Variants in OSMR observed in about 807,000 individuals in gnomAD.
The protein encoded by OSMR is oncostatin-M-specific receptor subunit beta.
Under a neutral mutation model 99.9 loss-of-function variants are expected in OSMR, and 81 were observed. That is an observed-to-expected ratio of 0.81 (90% CI 0.68 to 0.97). The LOEUF is 0.97. Among genes scored for constraint, OSMR ranks in the 50% least tolerant of loss-of-function variants. The pLI, the probability that OSMR is intolerant of heterozygous loss-of-function variation, is 0.00. For missense variants in OSMR, 1,099 were observed against 1,153.4 expected, an observed-to-expected ratio of 0.95 and a Z score of 0.68; for synonymous variants, 406 against 410.4, an observed-to-expected ratio of 0.99 and a Z score of 0.13.
intron 3 of OSMR, among the ~76,000 whole-genome samples, chr5:38,878,382 G>A (rs750024009): frequency 5.3e-5 from 8 of 152,088 alleles, no homozygotes; most frequent in Non-Finnish European, 7.4e-5. Flanking sequence ...TCAATGTCTC[G>A]GACACCTCTG....
At chr5:38,873,974 AC>A (rs1288808031) in intron 2 of OSMR, among the ~76,000 whole-genome samples, 1 of 152,032 alleles carries the variant, frequency 6.6e-6, no homozygotes, top group Non-Finnish European at 1.5e-5. Context: ...CTGAGACTAC[AC>A]GTGCCATGAC....
chr5:38,937,409 C>T (rs893790691), downstream of OSMR, among the ~76,000 whole-genome samples: 1 of 152,214 alleles, frequency 6.6e-6, no homozygotes, highest in Non-Finnish European at 1.5e-5. The surrounding 1 kb of genome is among the most constrained non-coding windows in gnomAD (Gnocchi z 4.0). Context: ...ATTTGCCAAA[C>T]TGTCCAAAAC....
chr5:38,910,754 T>C (rs1383262371), intron 9 of OSMR, among the ~76,000 whole-genome samples: 1 of 152,214 alleles, frequency 6.6e-6, no homozygotes, highest in Non-Finnish European at 1.5e-5. Context: ...CTCACACCTG[T>C]AATCCCAGCA....
intron 9 of OSMR, among the ~76,000 whole-genome samples, chr5:38,910,818 G>A (rs1024004567): frequency 6.6e-6 from 1 of 152,110 alleles, no homozygotes; most frequent in African/African-American, 2.4e-5. Flanking sequence ...AGACCAGCTT[G>A]GCCAATATGG....
In OSMR at chr5:38,933,397, A is replaced by T; in HGVS notation, c.2893A>T (p.Ser965Cys). 1 of 1,614,014 alleles carries T rather than the reference A, an allele frequency of 6.2e-7. No homozygotes were observed. Among genetic ancestry groups the T allele is most frequent in the Non-Finnish European group, 8.5e-7 (1 of 1,179,898 alleles). ...LALPPPTENS[S>C]LSSITLLDPG... ...CTTGCCTCCCCCGACCGAGAATAGC[A>T]GCCTCTCCTCAATTACCCTTTTAGA... Residue 965 changes from serine (S) to cysteine (C), a missense_variant, in exon 18 of 18, where the codon AGC becomes TGC. Coordinates refer to ENST00000274276, the MANE Select transcript of OSMR (RefSeq NM_003999.3).
In OSMR at chr5:38,905,459, G is replaced by A. The variant is rs532111344; in HGVS notation, c.1285+956G>A. On this transcript the variant is annotated intron_variant, in intron 9 of 17. Coordinates refer to ENST00000274276, the MANE Select transcript of OSMR (RefSeq NM_003999.3). The stretch of plus-strand genomic sequence containing the variant: ...GCTGAGATCGTGCCACTGCACTCCA[G>A]CCTGGGCAACAGAGTGAGACTCCAT... Among the ~76,000 whole-genome samples the A allele has an allele frequency of 5.3e-5, 8 of 150,316 alleles. No individual in the cohort carries two copies. In the South Asian group the frequency reaches 1.7e-3, roughly 32 times the overall value.
chr5:38,860,878 G>A (rs971693016), intron 1 of OSMR, among the ~76,000 whole-genome samples: 2 of 152,052 alleles, frequency 1.3e-5, no homozygotes. Context: ...TCACCATGTT[G>A]GCCAGGCTAG....
chr5:38,868,594 C>G (rs938837829), intron 1 of OSMR, among the ~76,000 whole-genome samples: 2 of 152,188 alleles, frequency 1.3e-5, no homozygotes, highest in East Asian at 1.9e-4. Flanking sequence ...GTAAGAAGTA[C>G]TTTTCACCTC....
At chr5:38,936,046 C>T (rs192114334), downstream of OSMR, among the ~76,000 whole-genome samples, 1 of 152,240 alleles carries the variant, frequency 6.6e-6, no homozygotes, top group African/African-American at 2.4e-5. Context: ...CTTAACATGG[C>T]TTTAGGAAGT....
rs1343775838 is a variant in OSMR at position 38,919,022 on chromosome 5, T to C, written c.1545T>C (p.Ser515=). 1 of 1,614,106 alleles carries C rather than the reference T, an allele frequency of 6.2e-7. No individual in the cohort carries two copies. The highest frequency in any genetic ancestry group is 8.5e-7 in the Non-Finnish European group (1 of 1,179,940). The change falls in exon 11 of 18, where the codon TCT becomes TCC. Residue 515 remains serine (S), a synonymous_variant. Transcript: ENST00000274276. ...CVIANNSVGA[S]PASVIVISAD... ...TAGCCAACAACAGTGTGGGTGCTTC[T>C]CCTGCTTCTGTAATAGTCATCTCTG...
intron 9 of OSMR, 123 bp downstream of exon 9, chr5:38,904,626 A>G (rs555188162): frequency 8.4e-7 from 1 of 1,186,206 alleles, no homozygotes; most frequent in Non-Finnish European, 1.2e-6. Flanking sequence ...GCGGGGTAGC[A>G]TTTAAAAAAT....
chr5:38,917,812 A>G (rs1250987649), intron 10 of OSMR, among the ~76,000 whole-genome samples, 190 bp downstream of exon 10: 1 of 152,186 alleles, frequency 6.6e-6, no homozygotes, highest in African/African-American at 2.4e-5. Flanking sequence ...GATGCAACTG[A>G]CAGCCAGTTC....
intron 9 of OSMR, among the ~76,000 whole-genome samples, chr5:38,914,295 GTC>G (rs2112606440): frequency 6.6e-6 from 1 of 152,258 alleles, no homozygotes; most frequent in Admixed American, 6.5e-5. Flanking sequence ...TCTCTTGAGC[GTC>G]TCTGTGCATC....
chr5:38,911,426 G>A (rs565153626), intron 9 of OSMR, among the ~76,000 whole-genome samples: 5 of 152,218 alleles, frequency 3.3e-5, no homozygotes, highest in African/African-American at 1.2e-4. Context: ...GTAACAAAAA[G>A]CCTAGGAACC....
Position 38,881,708 on chromosome 5 carries a change from C to T in OSMR, c.362C>T (p.Ala121Val). The T allele has an allele frequency of 6.2e-7, 1 of 1,614,156 alleles. No individual in the cohort carries two copies. Among genetic ancestry groups the T allele is most frequent in the Non-Finnish European group, 8.5e-7 (1 of 1,180,030 alleles). ...FVRIKSLVDD[A>V]KFPEPNFWSN... is the part of the protein sequence containing the mutation. The stretch of plus-strand genomic sequence containing the variant: ...AGAATAAAGAGTTTGGTGGACGATG[C>T]CAAGTTCCCTGAGCCAAATTTCTGG... Residue 121 changes from alanine (A) to valine (V), a missense_variant, in exon 4 of 18, where the codon GCC becomes GTC. By Grantham distance (64) the Ala-to-Val change is moderately conservative (BLOSUM62 0). Transcript: ENST00000274276.
chr5:38,938,075 C>T (rs926318546), downstream of OSMR: 2 of 205,154 alleles, frequency 9.7e-6, no homozygotes, highest in African/African-American at 4.6e-5. Context: ...CATTTGGGGA[C>T]AAATCTTATT....
chr5:38,921,934 G>C, intron 12 of OSMR, 140 bp downstream of exon 12: 4 of 710,192 alleles, frequency 5.6e-6, no homozygotes, highest in South Asian at 3.4e-5. Context: ...GGTGTTAGGA[G>C]TTCAGATGTT....
At position 38,928,354 on chromosome 5, in the gene OSMR, A is replaced by G. The variant is rs149263941; in HGVS notation, c.2212+2983A>G. 3.9e-5 allele frequency among the ~76,000 whole-genome samples: 6 copies of G among 152,296 alleles called. No homozygotes were observed. The East Asian group carries it at 1.2e-3, about 29-fold the overall frequency. Reference sequence around the variant, plus strand: ...CTGTATCAGCCCATTCTCCACTGCTATAAAGAACTGCCCGATACTGGGTAA... The same window carrying G: ...CTGTATCAGCCCATTCTCCACTGCTGTAAAGAACTGCCCGATACTGGGTAA... On this transcript the variant is annotated intron_variant, in intron 15 of 17. Transcript: ENST00000274276.
At chr5:38,854,491 T>C (rs1740696438) in intron 1 of OSMR, among the ~76,000 whole-genome samples, 1 of 152,194 alleles carries the variant, frequency 6.6e-6, no homozygotes, top group South Asian at 2.1e-4. Context: ...ATTAAGAAGT[T>C]CTACAAAATC....
Sources: gnomAD v4.1 joint callset for allele counts (sites outside exome capture counted in the v4.1 genomes callset) on GRCh38, gnomAD v4.1.1 for gene constraint, Gnocchi (gnomAD v3.1) non-coding constraint, MANE v1.5 for transcripts, NCBI Gene and HGNC (gene_info 2026-07-23, HGNC 2026-07-21) for gene names.